The following USP28 variants were observed in gnomAD, a reference collection of about 807,000 sequenced individuals.
USP28 encodes the protein ubiquitin carboxyl-terminal hydrolase 28.
In USP28, 113 loss-of-function variants were observed where a neutral mutation model predicts 145.0. The ratio of observed to expected loss-of-function variants is 0.78; its 90% CI spans 0.67 to 0.91. The LOEUF is 0.91. Ranked by LOEUF, USP28 falls within the 40% of genes least tolerant of loss-of-function variation. The pLI, the probability that USP28 is intolerant of heterozygous loss-of-function variation, is 0.00. For missense variants in USP28, 1,201 were observed against 1,289.6 expected, an observed-to-expected ratio of 0.93 and a Z score of 1.05; for synonymous variants, 447 against 450.9, an observed-to-expected ratio of 0.99 and a Z score of 0.11.
Position 113,827,378 on chromosome 11 carries a change from A to G in USP28, c.1060-18T>C. 6.4e-7 allele frequency: 1 copy of G among 1,557,164 alleles called. No individual in the cohort carries two copies. The highest frequency in any genetic ancestry group is 8.6e-7 in the Non-Finnish European group (1 of 1,159,922). On this transcript the variant is annotated intron_variant, in intron 10 of 24. Transcript: ENST00000003302. ...AACCAACGCTAGTGTCAAGAGTAGA[A>G]ATGTGAGAGAAAGAAAAATTAATTT...
rs539846550 is a variant in USP28, at chr11:113,826,811, T to G, written c.1187+422A>C. On this transcript the variant is annotated intron_variant, in intron 11 of 24. Transcript: ENST00000003302. ...GTGCATGCCTGTAATTCCAGCTACT[T>G]GGGAGGCTGAGGCAGGAGAATCACT... 4.7e-5 allele frequency among the ~76,000 whole-genome samples: 7 copies of G among 149,278 alleles called. No homozygotes were observed. In the South Asian group the frequency reaches 1.1e-3, roughly 23 times the overall value.
chr11:113,840,718 C>T, exon 5 of USP28: 1 of 1,614,204 alleles, frequency 6.2e-7, no homozygotes, highest in Non-Finnish European at 8.5e-7. Flanking sequence ...AGCGTTTTCT[C>T]TTTGAGCGTT....
intron 11 of USP28, among the ~76,000 whole-genome samples, chr11:113,826,439 A>G (rs1943340396): frequency 7.4e-6 from 1 of 135,082 alleles, no homozygotes; most frequent in Non-Finnish European, 1.5e-5. Flanking sequence ...CCCACCAAGT[A>G]CCTGGGACTA....
chr11:113,813,461 T>C (rs990639471), intron 15 of USP28, among the ~76,000 whole-genome samples: 1 of 152,234 alleles, frequency 6.6e-6, no homozygotes, highest in African/African-American at 2.4e-5. Context: ...AACTCTCTTT[T>C]GGAATTTATT....
At chr11:113,874,479 C>T (rs1371296603) in intron 1 of USP28, 1 of 1,214,570 alleles carries the variant, frequency 8.2e-7, no homozygotes. Flanking sequence ...TACTGGCCTT[C>T]CAGACAAAAG....
intron 1 of USP28, among the ~76,000 whole-genome samples, chr11:113,857,877 T>C (rs1418877774): frequency 6.6e-6 from 1 of 152,182 alleles, no homozygotes. Flanking sequence ...CCTTTTTTTT[T>C]TGAGACAGGG....
chr11:113,869,925 G>A (rs1388526751), intron 1 of USP28, among the ~76,000 whole-genome samples: 4 of 152,226 alleles, frequency 2.6e-5, no homozygotes, highest in African/African-American at 9.6e-5. Flanking sequence ...CACTTTGGGA[G>A]GCTGAGGTGG....
In USP28 at chr11:113,815,324, A is replaced by C. The variant is rs774067086; in HGVS notation, c.1522T>G (p.Ser508Ala). The C allele has an allele frequency of 6.2e-6, 10 of 1,614,046 alleles. No individual in the cohort carries two copies. The African/African-American group carries it at 6.7e-5, about 11-fold the overall frequency. Residue 508 changes from serine (S) to alanine (A), a missense_variant, in exon 14 of 25, where the codon TCT becomes GCT. Transcript: ENST00000003302. ...GTCAGTGGTTTAGACTTGGGTAAAG[A>C]ATCTTCAGGAGAAGAAAAGGTACTT...
exon 17 of USP28, chr11:113,809,168 G>T (rs753021957): frequency 1.2e-6 from 2 of 1,614,154 alleles, no homozygotes; most frequent in Non-Finnish European, 1.7e-6. Flanking sequence ...TGCTCAAACC[G>T]CCAGTTATCC....
intron 16 of USP28, among the ~76,000 whole-genome samples, chr11:113,809,967 GGAGGTTGCAGTAAGCT>G: frequency 6.6e-6 from 1 of 151,054 alleles, no homozygotes; most frequent in Non-Finnish European, 1.5e-5. Flanking sequence ...CCTGGGAGGA[GGAGGTTGCAGTAAGCT>G]GAGGTTGCGC....
intron 3 of USP28, among the ~76,000 whole-genome samples, chr11:113,843,209 G>C (rs1002471642): frequency 6.6e-6 from 1 of 152,070 alleles, no homozygotes; most frequent in Non-Finnish European, 1.5e-5. Context: ...TACAGCCTGG[G>C]CGACAGAGTG....
At chr11:113,874,448 AAG>A in intron 1 of USP28, 17 of 1,043,826 alleles carry the variant, frequency 1.6e-5, no homozygotes, top group South Asian at 6.4e-5. Context: ...AAAAAAAAAA[AAG>A]TGTCTCCATG....
chr11:113,814,066 C>T, intron 14 of USP28, 111 bp from the exon 15 acceptor site: 3 of 767,444 alleles, frequency 3.9e-6, no homozygotes, highest in Non-Finnish European at 6.2e-6. Flanking sequence ...ATTTCAGCTT[C>T]CCTCTATGAA....
chr11:113,850,255 T>C (rs1946312078), intron 3 of USP28, among the ~76,000 whole-genome samples: 1 of 152,118 alleles, frequency 6.6e-6, no homozygotes, highest in Non-Finnish European at 1.5e-5. Context: ...CATCACTAGA[T>C]ATATACACTA....
chr11:113,811,739 T>A, intron 16 of USP28, among the ~76,000 whole-genome samples: 1 of 150,436 alleles, frequency 6.6e-6, no homozygotes. Flanking sequence ...TGCAAAAATA[T>A]ATGTACTATC....
chr11:113,852,811 C>T (rs1406015085), intron 2 of USP28, among the ~76,000 whole-genome samples, 178 bp from the exon 3 acceptor site: 1 of 152,068 alleles, frequency 6.6e-6, no homozygotes, highest in Non-Finnish European at 1.5e-5. Flanking sequence ...CTATTAAATG[C>T]CTCATTACAG....
exon 6 of USP28, chr11:113,834,307 C>A: frequency 6.2e-7 from 1 of 1,610,058 alleles, no homozygotes; most frequent in Non-Finnish European, 8.5e-7. Context: ...GAGAACAAGT[C>A]TTCGAAATTC....
intron 22 of USP28, among the ~76,000 whole-genome samples, chr11:113,803,556 T>G (rs1474936116): frequency 6.6e-6 from 1 of 152,212 alleles, no homozygotes; most frequent in Non-Finnish European, 1.5e-5. Context: ...GAGTTCATCT[T>G]CATTGATCAC....
Position 113,828,733 on chromosome 11 carries a change from T to C in USP28, c.1059+464A>G, listed in dbSNP as rs561760079. The C allele has an allele frequency of 4.7e-4, 149 of 315,486 alleles. 4 individuals carry two copies. The highest frequency in any genetic ancestry group is 3.9e-3 in the South Asian group (145 of 37,024). 19.5% of individuals were successfully genotyped at this position (315,486 alleles called of 1,614,324 possible). ...CTTTCCAACCCAGAAAAAAAATAGA[T>C]ACATAAATAAACAAATGAAAATTAA... On this transcript the variant is annotated intron_variant, in intron 10 of 24. Coordinates refer to ENST00000003302, the Ensembl canonical transcript of USP28.
Sources: allele counts gnomAD v4.1 joint callset (sites outside exome capture counted in the v4.1 genomes callset), GRCh38; gene constraint gnomAD v4.1.1; transcripts MANE v1.5; gene names NCBI Gene and HGNC (gene_info 2026-07-23, HGNC 2026-07-21).